BABAM2: variants seen among roughly 807,000 people sequenced by gnomAD.
BABAM2 encodes BRISC and BRCA1-A complex member 2.
A neutral mutation model predicts 54.7 loss-of-function variants in BABAM2; 31 were observed. That is an observed-to-expected ratio of 0.57 (90% CI 0.43 to 0.77). The LOEUF (loss-of-function observed/expected upper bound fraction) is 0.77, where lower values mean the gene tolerates loss of function less well. Ranked by LOEUF, BABAM2 falls within the 30% of genes least tolerant of loss-of-function variation. BABAM2 has a pLI of 0.00. For missense variants in BABAM2, 364 were observed against 455.8 expected (o/e 0.80, Z 1.83); for synonymous variants, 167 against 162.9 (o/e 1.03, Z -0.19).
chr2:27,991,990 T>C (rs1672814709), intron 4 of BABAM2, among the ~76,000 whole-genome samples: 2 of 152,200 alleles, frequency 1.3e-5, no homozygotes, highest in South Asian at 4.1e-4. Context: ...GTATGAGTGT[T>C]TCAGTTTCTC....
intron 3 of BABAM2, among the ~76,000 whole-genome samples, chr2:27,981,220 T>C (rs1009357127): frequency 3.3e-5 from 5 of 152,144 alleles, no homozygotes; most frequent in Admixed American, 6.6e-5. Context: ...TCACATTGCA[T>C]TTTTAATATG....
At chr2:27,948,301 C>G (rs1475539483) in intron 3 of BABAM2, among the ~76,000 whole-genome samples, 1 of 151,060 alleles carries the variant, frequency 6.6e-6, no homozygotes, top group Admixed American at 6.6e-5. Flanking sequence ...ATGTTATATC[C>G]TTGGTAAACT....
Position 28,167,514 on chromosome 2 carries a change from TG to T in BABAM2, c.680+38135del, listed in dbSNP as rs1385072219. ...TTCCAGACCAGCCTGGCCAACATGG[TG>T]AAACCCCGTCTCTACCAAAAATACA... On this transcript the variant is annotated intron_variant, in intron 7 of 11. Transcript: ENST00000379624. Among the ~76,000 whole-genome samples the T allele has an allele frequency of 7.9e-5, 12 of 152,012 alleles. No individual in the cohort carries two copies. The East Asian group carries it at 1.5e-3, about 20-fold the overall frequency.
At chr2:28,140,828 G>T (rs1670981806) in intron 7 of BABAM2, among the ~76,000 whole-genome samples, 1 of 152,086 alleles carries the variant, frequency 6.6e-6, no homozygotes. Context: ...CATTGTCTTA[G>T]CTTGTCCTGC....
chr2:28,207,141 T>A (rs1678929628), intron 7 of BABAM2, among the ~76,000 whole-genome samples: 1 of 152,100 alleles, frequency 6.6e-6, no homozygotes, highest in African/African-American at 2.4e-5. Flanking sequence ...TACTTAAGGA[T>A]GAAATATCTT....
At chr2:28,034,950 A>G (rs1310264231) in intron 5 of BABAM2, among the ~76,000 whole-genome samples, 1 of 152,154 alleles carries the variant, frequency 6.6e-6, no homozygotes, top group Non-Finnish European at 1.5e-5. Context: ...GTCTAGAACT[A>G]TGCTGTCCAA....
chr2:27,969,811 A>C (rs1390309510), intron 3 of BABAM2, among the ~76,000 whole-genome samples: 1 of 152,190 alleles, frequency 6.6e-6, no homozygotes, highest in East Asian at 1.9e-4. Flanking sequence ...GAGACCAGGG[A>C]TGCTGCTTAA....
chr2:28,209,918 G>A (rs1679266079), intron 7 of BABAM2, among the ~76,000 whole-genome samples: 1 of 152,022 alleles, frequency 6.6e-6, no homozygotes, highest in Non-Finnish European at 1.5e-5. Flanking sequence ...AATTAATATA[G>A]AGAGAAATCT....
At chr2:28,317,830 T>C (rs893733319) in intron 11 of BABAM2, among the ~76,000 whole-genome samples, 1 of 152,218 alleles carries the variant, frequency 6.6e-6, no homozygotes, top group Non-Finnish European at 1.5e-5. Context: ...TTCCCAGCCT[T>C]TTCTTCACCA....
At chr2:28,133,137 G>A (rs548804823) in intron 7 of BABAM2, among the ~76,000 whole-genome samples, 25 of 152,304 alleles carry the variant, frequency 1.6e-4, no homozygotes, top group African/African-American at 5.8e-4. Flanking sequence ...CTTGGGGTAT[G>A]ACTTCTATAA....
intron 3 of BABAM2, among the ~76,000 whole-genome samples, chr2:27,966,212 C>A (rs906303988): frequency 2.4e-5 from 2 of 82,320 alleles, no homozygotes; most frequent in African/African-American, 6.4e-5. Context: ...GATATTCTGT[C>A]ATTTCTTCTT....
chr2:28,208,094 G>A (rs1335298315), intron 7 of BABAM2, among the ~76,000 whole-genome samples: 2 of 151,590 alleles, frequency 1.3e-5, no homozygotes, highest in East Asian at 1.9e-4. Flanking sequence ...TTTGAGAATG[G>A]GGTTGATCAC....
At chr2:28,239,136 C>G (rs765110754) in intron 8 of BABAM2, among the ~76,000 whole-genome samples, 9 of 152,122 alleles carry the variant, frequency 5.9e-5, no homozygotes, top group Non-Finnish European at 8.8e-5. Flanking sequence ...GCCACTTAAG[C>G]AAACTTATCA....
At chr2:28,043,683 A>G (rs1201682115) in intron 5 of BABAM2, among the ~76,000 whole-genome samples, 1 of 152,216 alleles carries the variant, frequency 6.6e-6, no homozygotes, top group Non-Finnish European at 1.5e-5. Flanking sequence ...CACTTACCAG[A>G]GTATGTTAGT....
chr2:28,158,020 G>C (rs72855615), intron 7 of BABAM2, among the ~76,000 whole-genome samples: 471 of 152,286 alleles, frequency 3.1e-3, no homozygotes, highest in African/African-American at 0.011. Context: ...CATGCAAGCT[G>C]AGCTTTTCTT....
At chr2:28,122,133 A>G (rs1669127636) in intron 6 of BABAM2, among the ~76,000 whole-genome samples, 2 of 151,534 alleles carry the variant, frequency 1.3e-5, no homozygotes, top group Admixed American at 6.6e-5. Flanking sequence ...GGAGAATGGC[A>G]TGAACCTGGG....
chr2:27,972,030 C>A (rs1217832525), intron 3 of BABAM2, among the ~76,000 whole-genome samples: 2 of 152,066 alleles, frequency 1.3e-5, no homozygotes, highest in Non-Finnish European at 2.9e-5. Flanking sequence ...AACAAAAATA[C>A]AAGGTTAAAA....
At chr2:28,266,672 A>G (rs1685010842) in intron 10 of BABAM2, among the ~76,000 whole-genome samples, 1 of 152,212 alleles carries the variant, frequency 6.6e-6, no homozygotes, top group African/African-American at 2.4e-5. Context: ...AAAGGTTGGC[A>G]TTGTCACACG....
intron 2 of BABAM2, among the ~76,000 whole-genome samples, chr2:27,899,476 GTTT>G (rs10710226): frequency 6.9e-6 from 1 of 144,420 alleles, no homozygotes; most frequent in African/African-American, 2.5e-5. Context: ...TAGTCCTAGT[GTTT>G]TTTTTTTTTT....
Sources: allele counts gnomAD v4.1 joint callset (sites outside exome capture counted in the v4.1 genomes callset), GRCh38; gene constraint gnomAD v4.1.1; transcripts MANE v1.5; gene names NCBI Gene and HGNC (gene_info 2026-07-23, HGNC 2026-07-21).